The following VPS13B variants were observed in gnomAD, a reference collection of about 807,000 sequenced individuals.
VPS13B encodes intermembrane lipid transfer protein VPS13B.
In VPS13B, 285 loss-of-function variants were observed where a neutral mutation model predicts 426.4. The ratio of observed to expected loss-of-function variants is 0.67; its 90% confidence interval spans 0.61 to 0.74. The LOEUF (loss-of-function observed/expected upper bound fraction) is 0.74, where lower values mean the gene tolerates loss of function less well. Ranked by LOEUF, VPS13B falls within the 30% of genes least tolerant of loss-of-function variation. The pLI, the probability that VPS13B is intolerant of heterozygous loss-of-function variation, is 0.00. For synonymous variants in VPS13B, 1,676 were observed against 1,676.4 expected, an observed-to-expected ratio of 1.00 and a Z score of 0.01; for missense variants, 4,537 against 4,782.6, an observed-to-expected ratio of 0.95 and a Z score of 1.51.
At position 99,614,765 on chromosome 8, in the gene VPS13B, A is replaced by T. The variant is rs138724238; in HGVS notation, c.5221-27046A>T. Among the ~76,000 whole-genome samples, 709 of 152,188 alleles carry T rather than the reference A, an allele frequency of 4.7e-3. 5 individuals are homozygous for T. The highest frequency in any genetic ancestry group is 0.016 in the African/African-American group (663 of 41,526). On this transcript the variant is annotated intron_variant, in intron 33 of 61. Coordinates refer to ENST00000357162, the MANE Select transcript of VPS13B (RefSeq NM_152564.5). The stretch of plus-strand genomic sequence containing the variant: ...AAATAAACTTCTATTATTTTTTCTT[A>T]TCCTGAAGCAATAATCTAGAGAAAA...
chr8:99,425,317 T>A (rs958032311), intron 21 of VPS13B, among the ~76,000 whole-genome samples: 1 of 152,110 alleles, frequency 6.6e-6, no homozygotes, highest in Non-Finnish European at 1.5e-5. Flanking sequence ...AAATCCTCAA[T>A]AAAATACTGA....
At chr8:99,216,957 A>G (rs1298182344) in intron 17 of VPS13B, among the ~76,000 whole-genome samples, 1 of 152,074 alleles carries the variant, frequency 6.6e-6, no homozygotes, top group African/African-American at 2.4e-5. Context: ...ACAAATTTAA[A>G]CTTTAGGCTA....
intron 27 of VPS13B, among the ~76,000 whole-genome samples, chr8:99,503,270 A>G (rs932172421): frequency 6.6e-6 from 1 of 152,238 alleles, no homozygotes; most frequent in Non-Finnish European, 1.5e-5. Context: ...AAATGTGCTA[A>G]TGATCATCTG....
chr8:99,582,742 G>T (rs958925916), intron 33 of VPS13B, among the ~76,000 whole-genome samples: 1 of 151,808 alleles, frequency 6.6e-6, no homozygotes, highest in African/African-American at 2.4e-5. Flanking sequence ...TGCAAGCTCC[G>T]CCTCCTGTGT....
intron 19 of VPS13B, among the ~76,000 whole-genome samples, chr8:99,350,316 A>T (rs1281450280): frequency 6.6e-6 from 1 of 152,222 alleles, no homozygotes; most frequent in Non-Finnish European, 1.5e-5. Flanking sequence ...CTTTAAAGCA[A>T]TGGTAAGCCA....
chr8:99,418,931 ACT>A (rs571201784), intron 21 of VPS13B, among the ~76,000 whole-genome samples: 5 of 152,156 alleles, frequency 3.3e-5, no homozygotes, highest in Middle Eastern at 3.4e-3. Context: ...TAAATAAATA[ACT>A]CTGTCATCTT....
chr8:99,227,675 G>C (rs1470278962), intron 17 of VPS13B, among the ~76,000 whole-genome samples: 1 of 151,840 alleles, frequency 6.6e-6, no homozygotes, highest in African/African-American at 2.4e-5. Context: ...TTTATAATAT[G>C]GTTTATTTGT....
chr8:99,584,843 A>G (rs1278635903), intron 33 of VPS13B, among the ~76,000 whole-genome samples: 1 of 152,176 alleles, frequency 6.6e-6, no homozygotes, highest in Non-Finnish European at 1.5e-5. Flanking sequence ...GACAGCATTA[A>G]ACAAAAGAGG....
intron 17 of VPS13B, chr8:99,233,538 A>T (rs1816469499): frequency 2.6e-6 from 3 of 1,132,610 alleles, no homozygotes; most frequent in South Asian, 1.2e-5. Context: ...CAAACTGGTG[A>T]TGGGGGTACA....
At chr8:99,325,252 A>G (rs888486988) in intron 19 of VPS13B, among the ~76,000 whole-genome samples, 1 of 152,188 alleles carries the variant, frequency 6.6e-6, no homozygotes, top group Non-Finnish European at 1.5e-5. Context: ...TGCTCGGCCA[A>G]GATTCTCTTA....
At chr8:99,299,748 A>C (rs1466007449) in intron 19 of VPS13B, among the ~76,000 whole-genome samples, 1 of 152,008 alleles carries the variant, frequency 6.6e-6, no homozygotes, top group Non-Finnish European at 1.5e-5. Context: ...AGTCTCTACT[A>C]AAAATACAAA....
Position 99,608,922 on chromosome 8 carries a change from TG to T in VPS13B, c.5220+31292del, listed in dbSNP as rs536900436. 3.9e-5 allele frequency among the ~76,000 whole-genome samples: 6 copies of T among 152,274 alleles called. No individual in the cohort carries two copies. In the South Asian group the frequency reaches 1.2e-3, roughly 32 times the overall value. ...ATATATTTATTAGGTGATGGACTTT[TG>T]GGTTGTTTCCACCTTTTGGCTATTA... On this transcript the variant is annotated intron_variant, in intron 33 of 61. Transcript: ENST00000357162.
chr8:99,579,106 G>A (rs1207494072), intron 33 of VPS13B, among the ~76,000 whole-genome samples: 3 of 152,118 alleles, frequency 2.0e-5, no homozygotes, highest in African/African-American at 4.8e-5. Flanking sequence ...TTTATGTTAT[G>A]TATATATATC....
At chr8:99,324,219 T>C (rs2291548) in intron 19 of VPS13B, among the ~76,000 whole-genome samples, 134,457 of 152,268 alleles carry the variant, frequency 0.88, 60,083 homozygotes, top group African/African-American at 0.97. Flanking sequence ...TAATCTATTA[T>C]AGTCTTTCAT....
At chr8:99,250,281 G>A in intron 17 of VPS13B, among the ~76,000 whole-genome samples, 1 of 152,088 alleles carries the variant, frequency 6.6e-6, no homozygotes, top group East Asian at 1.9e-4. Flanking sequence ...TAGTCCTTCA[G>A]CTATATGGTT....
At chr8:99,531,744 G>A (rs1430443332) in intron 30 of VPS13B, among the ~76,000 whole-genome samples, 1 of 151,886 alleles carries the variant, frequency 6.6e-6, no homozygotes, top group Non-Finnish European at 1.5e-5. Context: ...CACTAATCTT[G>A]TGCAATTGAG....
intron 33 of VPS13B, among the ~76,000 whole-genome samples, chr8:99,578,847 T>C (rs955372960): frequency 6.6e-6 from 1 of 152,162 alleles, no homozygotes; most frequent in African/African-American, 2.4e-5. Flanking sequence ...ACTTAGCAAA[T>C]TGGTTATTAA....
Position 99,692,253 on chromosome 8 carries a change from C to A in VPS13B, c.6047-7272C>A, listed in dbSNP as rs1207655729. Among the ~76,000 whole-genome samples the A allele has an allele frequency of 4.1e-5, 6 of 147,894 alleles. No homozygotes were observed. The South Asian group carries it at 1.1e-3, about 27-fold the overall frequency. On this transcript the variant is annotated intron_variant, in intron 35 of 61. Transcript: ENST00000357162. The stretch of plus-strand genomic sequence containing the variant: ...AACAGAATATACATTTTTTTCAGCA[C>A]CACACCACACCTATTCCAAAATTGA...
At chr8:99,654,053 A>AT (rs1413061984) in intron 34 of VPS13B, among the ~76,000 whole-genome samples, 3 of 150,804 alleles carry the variant, frequency 2.0e-5, no homozygotes, top group African/African-American at 4.9e-5. Context: ...TATTATTATT[A>AT]TATATATTTT....
Sources: allele counts gnomAD v4.1 joint callset (sites outside exome capture counted in the v4.1 genomes callset), GRCh38; gene constraint gnomAD v4.1.1; transcripts MANE v1.5; gene names NCBI Gene and HGNC (gene_info 2026-07-23, HGNC 2026-07-21).